SUGCT: variants seen among roughly 807,000 people sequenced by gnomAD.
The protein encoded by SUGCT is succinyl-CoA:glutarate CoA-transferase.
A neutral mutation model predicts 55.0 loss-of-function variants in SUGCT; 41 were observed. That is an observed-to-expected ratio of 0.74 (90% CI 0.58 to 0.97). SUGCT has a LOEUF of 0.97. Among genes scored for constraint, SUGCT ranks in the 50% least tolerant of loss-of-function variants. The pLI is 0.00. For synonymous variants in SUGCT, 187 were observed against 200.4 expected, an observed-to-expected ratio of 0.93 and a Z score of 0.56; for missense variants, 568 against 547.8, an observed-to-expected ratio of 1.04 and a Z score of -0.37.
chr7:40,931,352 A>G, the SUGCT span, among the ~76,000 whole-genome samples: 3 of 152,164 alleles, frequency 2.0e-5, no homozygotes, highest in African/African-American at 4.8e-5. Context: ...TTTCACATCA[A>G]TGTTCATCAG....
intron 12 of SUGCT, among the ~76,000 whole-genome samples, chr7:40,727,861 A>G (rs752724109): frequency 3.2e-4 from 49 of 152,122 alleles, no homozygotes; most frequent in Non-Finnish European, 5.7e-4. Flanking sequence ...TACATTATGC[A>G]TTTTTACTTA....
At chr7:40,183,811 CT>C (rs933497211) in intron 3 of SUGCT, among the ~76,000 whole-genome samples, 6 of 152,118 alleles carry the variant, frequency 3.9e-5, no homozygotes, top group Non-Finnish European at 7.3e-5. Context: ...ACATTTCTCA[CT>C]TTTGTTTGGT....
chr7:40,377,387 C>T (rs533456992), intron 9 of SUGCT, among the ~76,000 whole-genome samples: 3 of 150,820 alleles, frequency 2.0e-5, no homozygotes, highest in East Asian at 2.0e-4. Context: ...GGATGACAGG[C>T]GTGAGCCACC....
At chr7:40,938,458 G>T in the SUGCT span, among the ~76,000 whole-genome samples, 1 of 149,856 alleles carries the variant, frequency 6.7e-6, no homozygotes, top group Non-Finnish European at 1.5e-5. Flanking sequence ...ACCTAATTTG[G>T]ATTATTACCA....
chr7:40,185,441 A>T (rs540360031), intron 3 of SUGCT, among the ~76,000 whole-genome samples: 1 of 152,286 alleles, frequency 6.6e-6, no homozygotes, highest in African/African-American at 2.4e-5. Context: ...ACTAAACCAC[A>T]ACAGATCTTT....
intron 12 of SUGCT, among the ~76,000 whole-genome samples, chr7:40,665,196 T>C (rs1044137938): frequency 1.3e-5 from 2 of 151,782 alleles, no homozygotes; most frequent in Non-Finnish European, 2.9e-5. Context: ...CCCAGCATTT[T>C]GGGAGGCTGA....
At chr7:40,907,576 G>A in the SUGCT span, among the ~76,000 whole-genome samples, 61 of 152,260 alleles carry the variant, frequency 4.0e-4, no homozygotes, top group African/African-American at 1.3e-3. Context: ...CTATGAAGTA[G>A]GTGTTATTAC....
At chr7:40,885,088 A>G in the SUGCT span, among the ~76,000 whole-genome samples, 116 of 152,300 alleles carry the variant, frequency 7.6e-4, no homozygotes, top group Non-Finnish European at 1.2e-3. Context: ...CAAATAATTC[A>G]ATGACACTAA....
chr7:40,143,704 G>C (rs947072316), intron 1 of SUGCT, among the ~76,000 whole-genome samples: 1 of 152,186 alleles, frequency 6.6e-6, no homozygotes, highest in Non-Finnish European at 1.5e-5. Context: ...TGGTCTTGTC[G>C]TTAGATGGAG....
the SUGCT span, among the ~76,000 whole-genome samples, chr7:40,949,146 T>G: frequency 6.6e-6 from 1 of 152,214 alleles, no homozygotes. Flanking sequence ...TGATCGCCAT[T>G]CTAACTGGTG....
At chr7:40,445,850 C>T (rs576556567) in intron 9 of SUGCT, among the ~76,000 whole-genome samples, 12 of 152,180 alleles carry the variant, frequency 7.9e-5, no homozygotes, top group African/African-American at 2.6e-4. Flanking sequence ...CCTAATCTTA[C>T]CTGAATCTTT....
chr7:40,444,758 A>G (rs566539718), intron 9 of SUGCT, among the ~76,000 whole-genome samples: 3 of 152,078 alleles, frequency 2.0e-5, no homozygotes, highest in African/African-American at 4.8e-5. Context: ...TTCCAACACT[A>G]TGTTGAATAG....
intron 12 of SUGCT, among the ~76,000 whole-genome samples, chr7:40,534,090 T>G (rs1794233729): frequency 6.6e-6 from 1 of 152,194 alleles, no homozygotes; most frequent in Non-Finnish European, 1.5e-5. Flanking sequence ...GGAAAATAAC[T>G]TTAAATTGGT....
chr7:40,717,525 C>T (rs2128679850), intron 12 of SUGCT, among the ~76,000 whole-genome samples: 1 of 152,332 alleles, frequency 6.6e-6, no homozygotes, highest in Admixed American at 6.5e-5. Flanking sequence ...CAGGTTCCCT[C>T]ATTTGCACAA....
At chr7:41,001,819 A>G in the SUGCT span, among the ~76,000 whole-genome samples, 14 of 152,340 alleles carry the variant, frequency 9.2e-5, no homozygotes, top group East Asian at 2.7e-3. Flanking sequence ...TTCGGAGGAC[A>G]CAAACATTTA....
intron 12 of SUGCT, among the ~76,000 whole-genome samples, chr7:40,552,759 C>T (rs1460757930): frequency 6.6e-6 from 1 of 150,864 alleles, no homozygotes; most frequent in Admixed American, 6.6e-5. Flanking sequence ...CTTCCAGCCC[C>T]CCATCCCCAC....
the SUGCT span, among the ~76,000 whole-genome samples, chr7:40,918,123 A>G: frequency 1.2e-4 from 19 of 152,082 alleles, no homozygotes; most frequent in Admixed American, 4.6e-4. Flanking sequence ...GTGGAAAATA[A>G]GTCTCTTCAT....
intron 7 of SUGCT, among the ~76,000 whole-genome samples, chr7:40,257,709 C>CTACAAAAA (rs1455767864): frequency 6.6e-6 from 1 of 151,912 alleles, no homozygotes; most frequent in Admixed American, 6.6e-5. Flanking sequence ...AACCCCGTCT[C>CTACAAAAA]TACAAAAATA....
chr7:40,487,615 C>A, intron 11 of SUGCT, among the ~76,000 whole-genome samples: 1 of 151,874 alleles, frequency 6.6e-6, no homozygotes, highest in Non-Finnish European at 1.5e-5. Context: ...ATATTAAAAT[C>A]TTTTACTACT....
Sources: allele counts gnomAD v4.1 joint callset (sites outside exome capture counted in the v4.1 genomes callset), GRCh38; gene constraint gnomAD v4.1.1; transcripts MANE v1.5; gene names NCBI Gene and HGNC (gene_info 2026-07-23, HGNC 2026-07-21).